LUZP2: variants seen among roughly 807,000 people sequenced by gnomAD.
LUZP2 encodes the protein leucine zipper protein 2.
LUZP2 carries 52 observed loss-of-function variants against 51.6 expected under a neutral mutation model. The observed-to-expected ratio is 1.01, with a 90% confidence interval of 0.81 to 1.27. The LOEUF (loss-of-function observed/expected upper bound fraction) is 1.27, where lower values mean the gene tolerates loss of function less well. Ranked by LOEUF, LUZP2 falls within the 50% of genes most tolerant of loss-of-function variation. The probability of loss-of-function intolerance (pLI) is 0.00; values close to 1 mark genes in which losing one functional copy is unlikely to be tolerated. For missense variants in LUZP2, 436 were observed against 395.4 expected (o/e 1.10, Z -0.87); for synonymous variants, 154 against 137.3 (o/e 1.12, Z -0.85).
chr11:24,612,534 GT>G (rs1854156427), intron 1 of LUZP2, among the ~76,000 whole-genome samples: 1 of 152,016 alleles, frequency 6.6e-6, no homozygotes, highest in Non-Finnish European at 1.5e-5. Flanking sequence ...TCAAGTACCA[GT>G]TTTTTCTTTC....
intron 1 of LUZP2, among the ~76,000 whole-genome samples, chr11:24,515,231 C>A (rs1382481765): frequency 6.6e-6 from 1 of 152,056 alleles, no homozygotes; most frequent in Non-Finnish European, 1.5e-5. Context: ...CTGTGCCTAG[C>A]ATGTGTGAGG....
chr11:25,074,938 A>G (rs1859258044), intron 10 of LUZP2, among the ~76,000 whole-genome samples: 1 of 152,174 alleles, frequency 6.6e-6, no homozygotes, highest in Non-Finnish European at 1.5e-5. Context: ...AACTTAAATG[A>G]CAGGAACTCC....
chr11:24,558,341 A>G (rs1034090770), intron 1 of LUZP2, among the ~76,000 whole-genome samples: 3 of 151,482 alleles, frequency 2.0e-5, no homozygotes, highest in East Asian at 3.9e-4. Context: ...TTCGGACTTC[A>G]TAATAAAGTG....
At chr11:24,801,665 A>T (rs1199139856) in intron 5 of LUZP2, among the ~76,000 whole-genome samples, 1 of 151,812 alleles carries the variant, frequency 6.6e-6, no homozygotes, top group Non-Finnish European at 1.5e-5. Flanking sequence ...ATTTTTAAGG[A>T]TTTAGACAAT....
Position 24,497,167 on chromosome 11 carries a change from G to C in LUZP2, c.-77G>C. ...CTCATCACTGGCTGGGGACAGAGCC[G>C]GGCACCAAGGAGCGACAGGATCCCG... On this transcript the variant is annotated 5_prime_UTR_variant, in exon 1 of 12. Coordinates refer to ENST00000336930, the MANE Select transcript of LUZP2 (RefSeq NM_001009909.4). The C allele has an allele frequency of 7.5e-7, 1 of 1,341,720 alleles. No homozygotes were observed. Among genetic ancestry groups the C allele is most frequent in the Non-Finnish European group, 1.0e-6 (1 of 990,812 alleles). 83.1% of individuals were successfully genotyped at this position (1,341,720 alleles called of 1,614,324 possible).
chr11:24,782,565 G>C (rs896609477), intron 5 of LUZP2, among the ~76,000 whole-genome samples: 2 of 151,784 alleles, frequency 1.3e-5, no homozygotes, highest in African/African-American at 2.4e-5. Context: ...ATAAGCTCCT[G>C]GTCCCCTGCT....
chr11:24,925,491 A>G (rs1854199234), intron 7 of LUZP2, among the ~76,000 whole-genome samples: 1 of 152,178 alleles, frequency 6.6e-6, no homozygotes, highest in Non-Finnish European at 1.5e-5. Context: ...AAATCAACCC[A>G]ACTTTGTAGC....
intron 5 of LUZP2, chr11:24,892,106 T>C: frequency 1.0e-6 from 1 of 985,638 alleles, no homozygotes; most frequent in Non-Finnish European, 1.2e-6. Context: ...ACTTACTAGT[T>C]TGATAGGCTC....
At chr11:24,640,605 TA>T (rs2133944162) in intron 1 of LUZP2, among the ~76,000 whole-genome samples, 1 of 152,030 alleles carries the variant, frequency 6.6e-6, no homozygotes, top group African/African-American at 2.4e-5. Context: ...GCACATAAAC[TA>T]AACTGTGAAA....
intron 9 of LUZP2, among the ~76,000 whole-genome samples, chr11:25,016,651 C>T (rs1219482886): frequency 6.6e-6 from 1 of 151,684 alleles, no homozygotes; most frequent in East Asian, 1.9e-4. Flanking sequence ...GTGTGTACCA[C>T]ATTTTCTTTA....
chr11:24,764,213 G>A lies in LUZP2; in HGVS notation c.396+905G>A, dbSNP rs770007316. Among the ~76,000 whole-genome samples the A allele has an allele frequency of 3.3e-5, 5 of 152,126 alleles. No individual in the cohort carries two copies. In the South Asian group the frequency reaches 6.2e-4, roughly 19 times the overall value. ...TGCACATGCACACGTGCGTGGGCGC[G>A]TACACACACAATCAGCAATATGAAC... On this transcript the variant is annotated intron_variant, in intron 5 of 11. Coordinates refer to ENST00000336930, the MANE Select transcript of LUZP2 (RefSeq NM_001009909.4).
chr11:24,607,052 T>A (rs1014916069), intron 1 of LUZP2, among the ~76,000 whole-genome samples: 1 of 152,056 alleles, frequency 6.6e-6, no homozygotes. Flanking sequence ...GTTAATCTCT[T>A]ATCAGTTAAA....
At chr11:24,809,322 G>A (rs1849950236) in intron 5 of LUZP2, among the ~76,000 whole-genome samples, 1 of 152,112 alleles carries the variant, frequency 6.6e-6, no homozygotes, top group Admixed American at 6.6e-5. Context: ...GCCTGATTTT[G>A]CAGAATTCCT....
At chr11:24,528,651 C>T (rs1850895644) in intron 1 of LUZP2, among the ~76,000 whole-genome samples, 1 of 151,146 alleles carries the variant, frequency 6.6e-6, no homozygotes, top group Non-Finnish European at 1.5e-5. Context: ...AATTCATTTG[C>T]CTTTACCCTC....
At chr11:24,867,488 T>C (rs1851935045) in intron 5 of LUZP2, among the ~76,000 whole-genome samples, 1 of 152,188 alleles carries the variant, frequency 6.6e-6, no homozygotes, top group African/African-American at 2.4e-5. Flanking sequence ...GTTCAGAAAC[T>C]GCTGCAGTTG....
At chr11:24,662,011 G>A (rs570592016) in intron 1 of LUZP2, among the ~76,000 whole-genome samples, 3 of 152,094 alleles carry the variant, frequency 2.0e-5, no homozygotes, top group South Asian at 2.1e-4. Flanking sequence ...ATCACCAGAT[G>A]CATTTGATAG....
chr11:24,933,690 A>G (rs1590748265), intron 7 of LUZP2, among the ~76,000 whole-genome samples: 1 of 152,284 alleles, frequency 6.6e-6, no homozygotes, highest in East Asian at 1.9e-4. Context: ...TGTTTCAGAT[A>G]CTATTTAAAT....
At chr11:24,535,137 T>A (rs1381238004) in intron 1 of LUZP2, among the ~76,000 whole-genome samples, 49 of 147,496 alleles carry the variant, frequency 3.3e-4, no homozygotes, top group African/African-American at 8.2e-4. Context: ...CTTCATTGCT[T>A]AAAAAAAAAA....
chr11:24,844,912 C>T (rs1393295724), intron 5 of LUZP2, among the ~76,000 whole-genome samples: 1 of 152,200 alleles, frequency 6.6e-6, no homozygotes, highest in Non-Finnish European at 1.5e-5. Flanking sequence ...TGTCTGTATA[C>T]CCAGGTGGAA....
Sources: gnomAD v4.1 joint callset for allele counts (sites outside exome capture counted in the v4.1 genomes callset) on GRCh38, gnomAD v4.1.1 for gene constraint, MANE v1.5 for transcripts, NCBI Gene and HGNC (gene_info 2026-07-23, HGNC 2026-07-21) for gene names.